The following SORCS2 variants were observed in gnomAD, a reference collection of about 807,000 sequenced individuals.
SORCS2 encodes the protein sortilin related VPS10 domain containing receptor 2, also known as VPS10 domain-containing receptor SorCS2.
SORCS2 carries 100 observed loss-of-function variants against 141.6 expected under a neutral mutation model. The ratio of observed to expected loss-of-function variants is 0.71; its 90% CI spans 0.60 to 0.83. The LOEUF is 0.83. Ranked by LOEUF, SORCS2 falls within the 40% of genes least tolerant of loss-of-function variation. The pLI, the probability that SORCS2 is intolerant of heterozygous loss-of-function variation, is 0.00. For synonymous variants in SORCS2, 789 were observed against 676.9 expected (o/e 1.17, Z -2.57); for missense variants, 1,646 against 1,560.2 (o/e 1.05, Z -0.93).
chr4:7,415,209 G>A (rs112023239), intron 2 of SORCS2, among the ~76,000 whole-genome samples: 5 of 152,308 alleles, frequency 3.3e-5, no homozygotes, highest in African/African-American at 1.2e-4. Context: ...ACAAACATAG[G>A]ACTTGAAGCA....
At chr4:7,428,313 TG>T (rs1325557750) in intron 2 of SORCS2, among the ~76,000 whole-genome samples, 1 of 152,140 alleles carries the variant, frequency 6.6e-6, no homozygotes, top group Non-Finnish European at 1.5e-5. Flanking sequence ...ACCAGAGGGC[TG>T]AAAGTGGTCC....
At chr4:7,543,707 T>C (rs1386980138) in intron 3 of SORCS2, among the ~76,000 whole-genome samples, 1 of 49,574 alleles carries the variant, frequency 2.0e-5, no homozygotes, top group African/African-American at 1.0e-4. Context: ...CATCCATCCA[T>C]CCACCCATCC....
intron 1 of SORCS2, among the ~76,000 whole-genome samples, chr4:7,228,225 C>G (rs1484883401): frequency 6.6e-6 from 1 of 152,212 alleles, no homozygotes; most frequent in Non-Finnish European, 1.5e-5. Flanking sequence ...TCCTAATCTC[C>G]TCTTCCTGTG....
intron 4 of SORCS2, among the ~76,000 whole-genome samples, chr4:7,646,614 A>T (rs1721095756): frequency 6.6e-6 from 1 of 152,098 alleles, no homozygotes. Context: ...TGGGTGATGG[A>T]GCAAGACTCT....
intron 5 of SORCS2, among the ~76,000 whole-genome samples, chr4:7,656,519 G>T (rs1280587497): frequency 2.0e-5 from 3 of 152,104 alleles, no homozygotes; most frequent in African/African-American, 7.3e-5. Flanking sequence ...TCATGTCACA[G>T]GAGGGAACTG....
At chr4:7,550,132 A>ATGTGTGTG (rs36213889) in intron 3 of SORCS2, among the ~76,000 whole-genome samples, 2,919 of 142,216 alleles carry the variant, frequency 0.021, 114 homozygotes, top group African/African-American at 0.07. Context: ...GTATGTGTGT[A>ATGTGTGTG]TGTGTGTGTG....
chr4:7,379,489 G>C (rs886399530), intron 1 of SORCS2, among the ~76,000 whole-genome samples: 3 of 152,226 alleles, frequency 2.0e-5, no homozygotes, highest in Non-Finnish European at 4.4e-5. Context: ...CTGTTGGCTG[G>C]GCTGCTGCAA....
intron 2 of SORCS2, among the ~76,000 whole-genome samples, chr4:7,453,755 G>T (rs1728661948): frequency 1.5e-5 from 2 of 132,150 alleles, no homozygotes; most frequent in East Asian, 2.6e-4. Context: ...GGGGTCAGGA[G>T]CTGTGTGTTG....
chr4:7,545,121 T>C (rs1713148166), intron 3 of SORCS2, among the ~76,000 whole-genome samples: 1 of 142,752 alleles, frequency 7.0e-6, no homozygotes, highest in Non-Finnish European at 1.5e-5. Flanking sequence ...GTCAATAGGT[T>C]ATTGTAGGAG....
At chr4:7,507,651 C>T (rs1054654173) in intron 2 of SORCS2, among the ~76,000 whole-genome samples, 1 of 152,188 alleles carries the variant, frequency 6.6e-6, no homozygotes, top group South Asian at 2.1e-4. Flanking sequence ...CACCGTGACA[C>T]ACACACTGAC....
At chr4:7,700,030 C>T (rs903102917) in intron 12 of SORCS2, among the ~76,000 whole-genome samples, 13 of 152,196 alleles carry the variant, frequency 8.5e-5, no homozygotes, top group African/African-American at 2.9e-4. Context: ...TCATCTGTCC[C>T]GGGGCCTCTC....
At chr4:7,267,696 T>G (rs1017355189) in intron 1 of SORCS2, among the ~76,000 whole-genome samples, 11 of 152,328 alleles carry the variant, frequency 7.2e-5, no homozygotes, top group Non-Finnish European at 1.5e-4. Context: ...CCAGGCGTGG[T>G]GGCAGGTGCC....
chr4:7,469,424 A>G (rs1334147265), intron 2 of SORCS2, among the ~76,000 whole-genome samples: 8 of 152,172 alleles, frequency 5.3e-5, no homozygotes, highest in Non-Finnish European at 1.2e-4. Flanking sequence ...CCCTAATCCT[A>G]AGCTGTGGTT....
At chr4:7,452,558 C>T (rs1728532431) in intron 2 of SORCS2, among the ~76,000 whole-genome samples, 1 of 152,244 alleles carries the variant, frequency 6.6e-6, no homozygotes, top group Admixed American at 6.5e-5. Context: ...AGCCCTGCCC[C>T]AGCCTTCTGT....
intron 2 of SORCS2, among the ~76,000 whole-genome samples, chr4:7,470,106 C>T (rs574173521): frequency 6.6e-6 from 1 of 152,118 alleles, no homozygotes; most frequent in Non-Finnish European, 1.5e-5. Context: ...GGAAAGGGGG[C>T]CCAGATTGTT....
At position 7,721,057 on chromosome 4, in the gene SORCS2, T is replaced by C. The variant is rs796566720; in HGVS notation, c.2425-2640T>C. On this transcript the variant is annotated intron_variant, in intron 18 of 26. Transcript: ENST00000507866. ...TATGTGTCTGTTCATAGCAGTGTTATTCACAAAGGCCAGAAACTCAAACCG... is the reference window on the plus strand; with the variant it reads ...TATGTGTCTGTTCATAGCAGTGTTACTCACAAAGGCCAGAAACTCAAACCG... Among the ~76,000 whole-genome samples the C allele has an allele frequency of 5.6e-4, 86 of 152,364 alleles. 1 individual carries two copies. The highest frequency in any genetic ancestry group is 2.0e-3 in the African/African-American group (82 of 41,592).
At chr4:7,390,661 G>C (rs1255434096) in intron 1 of SORCS2, among the ~76,000 whole-genome samples, 1 of 152,358 alleles carries the variant, frequency 6.6e-6, no homozygotes, top group South Asian at 2.1e-4. Flanking sequence ...CAGGGTCTCA[G>C]AGGAGGCACC....
intron 1 of SORCS2, among the ~76,000 whole-genome samples, chr4:7,281,134 C>T (rs991675555): frequency 6.6e-6 from 1 of 152,168 alleles, no homozygotes; most frequent in South Asian, 2.1e-4. Context: ...CAGCAGAAAA[C>T]ACCCGGAGGC....
At chr4:7,307,165 C>A (rs527728387) in intron 1 of SORCS2, among the ~76,000 whole-genome samples, 65 of 152,292 alleles carry the variant, frequency 4.3e-4, no homozygotes, top group African/African-American at 1.4e-3. Context: ...CCAGCCTCAT[C>A]GGCCCTCACA....
Sources: allele counts gnomAD v4.1 joint callset (sites outside exome capture counted in the v4.1 genomes callset), GRCh38; gene constraint gnomAD v4.1.1; transcripts MANE v1.5; gene names NCBI Gene and HGNC (gene_info 2026-07-23, HGNC 2026-07-21).